Variants in PPFIA2 observed in about 807,000 individuals in gnomAD.
PPFIA2 encodes the protein PPFI scaffold protein A2.
PPFIA2 carries 46 observed loss-of-function variants against 175.5 expected under a neutral mutation model. The ratio of observed to expected loss-of-function variants is 0.26; its 90% CI spans 0.21 to 0.34. PPFIA2 has a LOEUF of 0.34. Ranked by LOEUF, PPFIA2 falls within the 10% of genes least tolerant of loss-of-function variation. The pLI is 1.00. For missense variants in PPFIA2, 1,179 were observed against 1,506.1 expected (o/e 0.78, Z 3.60); for synonymous variants, 568 against 511.4 (o/e 1.11, Z -1.49).
chr12:81,448,369 G>A (rs2051729672), intron 5 of PPFIA2, among the ~76,000 whole-genome samples: 1 of 152,082 alleles, frequency 6.6e-6, no homozygotes, highest in South Asian at 2.1e-4. Flanking sequence ...TTACATTTGT[G>A]TCCAAGACCT....
intron 4 of PPFIA2, among the ~76,000 whole-genome samples, chr12:81,505,353 T>G (rs1429960017): frequency 6.6e-6 from 1 of 151,576 alleles, no homozygotes; most frequent in Non-Finnish European, 1.5e-5. Flanking sequence ...CAGTTGAATA[T>G]GTTGAAAGTA....
chr12:81,632,645 T>TCAGTATGTGATACAAAA (rs1337246875), intron 4 of PPFIA2, among the ~76,000 whole-genome samples: 46 of 152,268 alleles, frequency 3.0e-4, no homozygotes, highest in Non-Finnish European at 1.0e-4. Context: ...ATTACCTTTC[T>TCAGTATGTGATACAAAA]TTAACTCCTG....
chr12:81,661,095 G>T (rs1476455538), intron 4 of PPFIA2, among the ~76,000 whole-genome samples: 1 of 152,164 alleles, frequency 6.6e-6, no homozygotes, highest in African/African-American at 2.4e-5. Context: ...GCAAAAACAT[G>T]CCAAATTGTA....
At chr12:81,618,625 T>C (rs568043444) in intron 4 of PPFIA2, among the ~76,000 whole-genome samples, 58 of 150,240 alleles carry the variant, frequency 3.9e-4, no homozygotes, top group Non-Finnish European at 7.2e-4. Context: ...GCCTCCCAGG[T>C]TCACGCCATT....
intron 8 of PPFIA2, among the ~76,000 whole-genome samples, chr12:81,384,884 T>C (rs2038583578): frequency 6.6e-6 from 1 of 152,156 alleles, no homozygotes; most frequent in Non-Finnish European, 1.5e-5. Flanking sequence ...TTAAATATTT[T>C]GAGAGCTGAT....
intron 4 of PPFIA2, among the ~76,000 whole-genome samples, chr12:81,550,014 T>C (rs530493710): frequency 6.6e-6 from 1 of 152,144 alleles, no homozygotes; most frequent in East Asian, 1.9e-4. Flanking sequence ...GCTTTCTTTC[T>C]GAAAGGACCC....
intron 7 of PPFIA2, among the ~76,000 whole-genome samples, chr12:81,418,867 A>G (rs1014127617): frequency 2.6e-5 from 4 of 151,970 alleles, no homozygotes; most frequent in African/African-American, 9.7e-5. Context: ...GTTTTTTCAC[A>G]TGCTATTTTG....
At chr12:81,341,585 A>G (rs2058088546) in intron 19 of PPFIA2, among the ~76,000 whole-genome samples, 1 of 152,100 alleles carries the variant, frequency 6.6e-6, no homozygotes, top group South Asian at 2.1e-4. Context: ...CCTTTTTTTT[A>G]AAGTTCATTA....
intron 21 of PPFIA2, among the ~76,000 whole-genome samples, chr12:81,334,771 T>C (rs1319277437): frequency 6.6e-6 from 1 of 152,242 alleles, no homozygotes; most frequent in Non-Finnish European, 1.5e-5. Context: ...TTTTGATGGA[T>C]GGCATTCCTG....
At chr12:81,655,865 A>C (rs868532857) in intron 4 of PPFIA2, among the ~76,000 whole-genome samples, 30 of 151,982 alleles carry the variant, frequency 2.0e-4, no homozygotes, top group Non-Finnish European at 7.4e-5. Flanking sequence ...GTAAAATAAA[A>C]TGTTCTACCA....
chr12:81,735,239 G>T (rs1431744476), intron 3 of PPFIA2, among the ~76,000 whole-genome samples: 1 of 151,698 alleles, frequency 6.6e-6, no homozygotes, highest in East Asian at 1.9e-4. Context: ...AGCAATGTAT[G>T]AAAGTTCTTA....
At chr12:81,421,332 TA>T (rs1165613088) in intron 7 of PPFIA2, among the ~76,000 whole-genome samples, 4 of 152,022 alleles carry the variant, frequency 2.6e-5, no homozygotes. Flanking sequence ...AGGTTAGAGA[TA>T]CAAAATTGTT....
intron 26 of PPFIA2, 31 bp downstream of exon 26, chr12:81,282,979 T>C (rs766201948): frequency 1.3e-6 from 2 of 1,587,852 alleles, no homozygotes; most frequent in South Asian, 2.2e-5. Context: ...CTAAATGATA[T>C]TAAGGGTCTT....
chr12:81,473,482 T>C (rs1245423224), intron 4 of PPFIA2, among the ~76,000 whole-genome samples: 1 of 152,176 alleles, frequency 6.6e-6, no homozygotes, highest in East Asian at 1.9e-4. Context: ...GAATTTTTGC[T>C]ATTTTATACC....
At chr12:81,261,805 C>G (rs895406095) in intron 32 of PPFIA2, 144 bp downstream of exon 32, 1 of 564,452 alleles carries the variant, frequency 1.8e-6, no homozygotes, top group Non-Finnish European at 3.1e-6. Context: ...ATGAAGATTT[C>G]TTTTTCCCCT....
At position 81,484,501 on chromosome 12, in the gene PPFIA2, T is replaced by G. The variant is rs554550362; in HGVS notation, c.304-26635A>C. Among the ~76,000 whole-genome samples, 18 of 152,100 alleles carry G rather than the reference T, an allele frequency of 1.2e-4. 1 individual carries two copies. The South Asian group carries it at 3.7e-3, about 32-fold the overall frequency. ...CATGTTGTACAATAATATTCAAAAT[T>G]TTTCCAGGCTTCATTTGCCATAATG... On this transcript the variant is annotated intron_variant, in intron 4 of 32. Transcript: ENST00000549396.
intron 4 of PPFIA2, among the ~76,000 whole-genome samples, chr12:81,471,768 G>A (rs2056769933): frequency 6.6e-6 from 1 of 152,026 alleles, no homozygotes. Context: ...CACCAACAGT[G>A]AATATGGGTT....
At chr12:81,569,700 C>A (rs1187467268) in intron 4 of PPFIA2, among the ~76,000 whole-genome samples, 1 of 152,076 alleles carries the variant, frequency 6.6e-6, no homozygotes, top group Non-Finnish European at 1.5e-5. Flanking sequence ...TAGGAAAGAA[C>A]TATATAATAA....
At chr12:81,480,383 A>G (rs922327888) in intron 4 of PPFIA2, among the ~76,000 whole-genome samples, 5 of 151,846 alleles carry the variant, frequency 3.3e-5, no homozygotes, top group Non-Finnish European at 5.9e-5. Context: ...GGAGTTTGTT[A>G]TTACCCACCT....
Sources: allele counts gnomAD v4.1 joint callset (sites outside exome capture counted in the v4.1 genomes callset), GRCh38; gene constraint gnomAD v4.1.1; transcripts MANE v1.5; gene names NCBI Gene and HGNC (gene_info 2026-07-23, HGNC 2026-07-21).